The following AGBL1 variants were observed in gnomAD, a reference collection of about 807,000 sequenced individuals.
The protein encoded by AGBL1 is AGBL carboxypeptidase 1, also known as cytosolic carboxypeptidase 4.
A neutral mutation model predicts 118.9 loss-of-function variants in AGBL1; 130 were observed. The observed-to-expected ratio is 1.09, with a 90% CI of 0.95 to 1.26. The LOEUF (loss-of-function observed/expected upper bound fraction) is 1.26, where lower values mean the gene tolerates loss of function less well. AGBL1 is among the 50% of genes most tolerant of loss of function. AGBL1 has a pLI of 0.00. For missense variants in AGBL1, 1,584 were observed against 1,298.1 expected (o/e 1.22, Z -3.38); for synonymous variants, 555 against 478.9 (o/e 1.16, Z -2.08).
intron 22 of AGBL1, among the ~76,000 whole-genome samples, chr15:86,706,709 T>C (rs1168495585): frequency 1.3e-5 from 2 of 152,170 alleles, no homozygotes; most frequent in East Asian, 3.9e-4. Flanking sequence ...ATGCATCCCA[T>C]TGTTTGTTCC....
intron 21 of AGBL1, among the ~76,000 whole-genome samples, chr15:86,652,559 G>A (rs2085392817): frequency 6.6e-6 from 1 of 152,002 alleles, no homozygotes; most frequent in Non-Finnish European, 1.5e-5. Context: ...ACCTCGGATT[G>A]TAGATTTAAA....
At chr15:86,713,698 C>A (rs1482422541) in intron 22 of AGBL1, among the ~76,000 whole-genome samples, 1 of 152,024 alleles carries the variant, frequency 6.6e-6, no homozygotes, top group Admixed American at 6.6e-5. Flanking sequence ...GAGCCTAAAG[C>A]ACTGCTCCTC....
intron 2 of AGBL1, among the ~76,000 whole-genome samples, chr15:86,142,840 C>T (rs960657551): frequency 6.6e-6 from 1 of 152,192 alleles, no homozygotes; most frequent in African/African-American, 2.4e-5. Flanking sequence ...CCAGAGGTGT[C>T]TGAAACTCTT....
intron 22 of AGBL1, among the ~76,000 whole-genome samples, chr15:86,819,367 C>T (rs1316586683): frequency 1.3e-5 from 2 of 152,012 alleles, no homozygotes; most frequent in Non-Finnish European, 2.9e-5. Context: ...ACATGCTTTG[C>T]ATATATTAAT....
At position 86,262,807 on chromosome 15, in the gene AGBL1, G is replaced by C. The variant is rs557218142; in HGVS notation, c.999G>C (p.Lys333Asn). Residue 333 changes from lysine (K) to asparagine (N), a missense_variant, in exon 10 of 23, where the codon AAG (lysine) becomes AAC (asparagine). Coordinates refer to ENST00000614907, the MANE Select transcript of AGBL1 (RefSeq NM_001386094.1). ...ATGACTTGGAAACAGACGTGAACAA[G>C]CTGAGTTCCAAACCTGGTCTTGACC... ...EDDDLETDVN[K>N]LSSKPGLDRP... 66 of 1,609,848 alleles carry C rather than the reference G, an allele frequency of 4.1e-5. 1 individual carries two copies. In the Admixed American group the frequency reaches 1.1e-3, roughly 27 times the overall value.
chr15:86,236,699 C>G (rs1277016394), intron 6 of AGBL1, among the ~76,000 whole-genome samples: 1 of 151,736 alleles, frequency 6.6e-6, no homozygotes, highest in Non-Finnish European at 1.5e-5. Context: ...AGAAGCCTCC[C>G]CATACAGAGA....
intron 18 of AGBL1, among the ~76,000 whole-genome samples, chr15:86,517,800 CTTTTTTCTT>C (rs1278595373): frequency 6.7e-6 from 1 of 149,206 alleles, no homozygotes; most frequent in African/African-American, 2.6e-5. Context: ...GTTTTTTCCT[CTTTTTTCTT>C]TTCTCCATCC....
At chr15:86,723,668 AAAAC>A (rs1555443196) in intron 22 of AGBL1, among the ~76,000 whole-genome samples, 1 of 151,362 alleles carries the variant, frequency 6.6e-6, no homozygotes, top group Non-Finnish European at 1.5e-5. Context: ...TAAAAAAAAG[AAAAC>A]AAAGCAAATT....
At chr15:86,771,645 A>G (rs1285782419) in intron 22 of AGBL1, among the ~76,000 whole-genome samples, 1 of 152,056 alleles carries the variant, frequency 6.6e-6, no homozygotes, top group Non-Finnish European at 1.5e-5. Flanking sequence ...ATGTTCGGTA[A>G]ATAGAAACTG....
intron 1 of AGBL1, among the ~76,000 whole-genome samples, chr15:86,124,407 A>G (rs1898289763): frequency 6.6e-6 from 1 of 152,050 alleles, no homozygotes; most frequent in Non-Finnish European, 1.5e-5. Context: ...TAATGTACCA[A>G]TGTCAGTTTT....
intron 18 of AGBL1, among the ~76,000 whole-genome samples, chr15:86,461,104 C>A (rs1051892969): frequency 3.3e-5 from 5 of 152,134 alleles, no homozygotes; most frequent in African/African-American, 1.2e-4. Flanking sequence ...GGGAGCTTTA[C>A]AAACCACCCT....
chr15:86,276,558 T>C (rs1597666231), intron 15 of AGBL1, among the ~76,000 whole-genome samples: 2 of 152,064 alleles, frequency 1.3e-5, no homozygotes, highest in African/African-American at 4.8e-5. Context: ...CCAGGCAAGG[T>C]GGGAAGCATA....
intron 22 of AGBL1, among the ~76,000 whole-genome samples, chr15:86,814,578 G>C (rs990471406): frequency 6.6e-6 from 1 of 152,152 alleles, no homozygotes; most frequent in Non-Finnish European, 1.5e-5. Flanking sequence ...TATTCCATCA[G>C]GTAGAGAGGA....
At chr15:86,552,237 T>C (rs768066651) in intron 20 of AGBL1, among the ~76,000 whole-genome samples, 6 of 151,788 alleles carry the variant, frequency 4.0e-5, no homozygotes, top group Non-Finnish European at 7.4e-5. Context: ...TGTACAGGAG[T>C]GGGGGGCATA....
At chr15:86,089,682 T>C (rs373541100) in intron 1 of AGBL1, among the ~76,000 whole-genome samples, 19 of 152,122 alleles carry the variant, frequency 1.2e-4, no homozygotes, top group African/African-American at 4.3e-4. Context: ...ATTTCTAATC[T>C]CCAGATCCCA....
chr15:86,433,263 C>CTTTTTTTTTTT (rs1292975189), intron 18 of AGBL1, among the ~76,000 whole-genome samples: 6 of 54,976 alleles, frequency 1.1e-4, no homozygotes, highest in Non-Finnish European at 2.0e-4. Flanking sequence ...CCTCCTCCTT[C>CTTTTTTTTTTT]TTCTTTTTTT....
At chr15:86,157,405 T>C (rs1176155068) in intron 4 of AGBL1, among the ~76,000 whole-genome samples, 2 of 152,180 alleles carry the variant, frequency 1.3e-5, no homozygotes, top group African/African-American at 4.8e-5. Flanking sequence ...ATTTGAAGCA[T>C]TTCCTGGTTT....
chr15:86,088,594 A>G (rs1427264056), intron 1 of AGBL1, among the ~76,000 whole-genome samples: 3 of 152,208 alleles, frequency 2.0e-5, no homozygotes, highest in Non-Finnish European at 2.9e-5. Flanking sequence ...ATAAAACCAG[A>G]ACTTCTCAAA....
intron 5 of AGBL1, among the ~76,000 whole-genome samples, chr15:86,191,098 C>T (rs765108990): frequency 1.3e-5 from 2 of 151,938 alleles, no homozygotes; most frequent in Non-Finnish European, 2.9e-5. Context: ...AATCCCAGCA[C>T]TTTGGGAGAC....
Sources: allele counts gnomAD v4.1 joint callset (sites outside exome capture counted in the v4.1 genomes callset), GRCh38; gene constraint gnomAD v4.1.1; transcripts MANE v1.5; gene names NCBI Gene and HGNC (gene_info 2026-07-23, HGNC 2026-07-21).